ADAMTS12: variants seen among roughly 807,000 people sequenced by gnomAD.
The protein encoded by ADAMTS12 is ADAM metallopeptidase with thrombospondin type 1 motif 12, also known as A disintegrin and metalloproteinase with thrombospondin motifs 12.
In ADAMTS12, 118 loss-of-function variants were observed where a neutral mutation model predicts 167.8. That is an observed-to-expected ratio of 0.70 (90% CI 0.61 to 0.82). The LOEUF is 0.82. Among genes scored for constraint, ADAMTS12 ranks in the 40% least tolerant of loss-of-function variants. ADAMTS12 has a pLI of 0.00. For missense variants in ADAMTS12, 1,916 were observed against 1,998.8 expected (o/e 0.96, Z 0.79); for synonymous variants, 704 against 716.9 (o/e 0.98, Z 0.29).
chr5:33,761,355 C>T (rs1579913825), intron 2 of ADAMTS12, among the ~76,000 whole-genome samples: 1 of 152,354 alleles, frequency 6.6e-6, no homozygotes, highest in East Asian at 1.9e-4. Context: ...GGTGACCATC[C>T]TCCTTACTGT....
chr5:33,576,588 G>A lies in ADAMTS12; in HGVS notation c.3438C>T (p.Thr1146=). The stretch of plus-strand genomic sequence containing the variant: ...TCTCCATTTCTGGACCTTTGGTCAA[G>A]GTATTGTAAAATGGAGTCACAGGCC... The part of the protein sequence containing the change: ...ITWPVTPFYN[T]LTKGPEMEIH... The change falls in exon 19 of 24, where the codon ACC becomes ACT. Residue 1146 remains threonine, a synonymous_variant. Coordinates refer to ENST00000504830, the MANE Select transcript of ADAMTS12 (RefSeq NM_030955.4). The A allele has an allele frequency of 1.2e-6, 2 of 1,614,186 alleles. No individual in the cohort carries two copies. Among genetic ancestry groups the A allele is most frequent in the African/African-American group, 1.3e-5 (1 of 75,052 alleles).
intron 4 of ADAMTS12, among the ~76,000 whole-genome samples, chr5:33,683,591 G>A (rs12651808): frequency 0.13 from 19,451 of 152,068 alleles, 1,676 homozygotes; most frequent in South Asian, 0.43. Flanking sequence ...AAAGCCACAC[G>A]AAAAGGATTG....
At position 33,576,991 on chromosome 5, in the gene ADAMTS12, T is replaced by C. The variant is rs61748196; in HGVS notation, c.3035A>G (p.Asn1012Ser). 2,069 of 1,614,136 alleles carry C rather than the reference T, an allele frequency of 1.3e-3. 30 individuals carry two copies. The African/African-American group carries it at 0.024, about 19-fold the overall frequency. ...CTTTAGTGTTGGTGGGTTTTTTCCA[T>C]TGGAAATAGTGCCTTTGTTTGGTTT... ...VLKPNKGTIS[N>S]GKNPPTLKPV... is the part of the protein sequence containing the mutation. Residue 1012 changes from asparagine (N) to serine (S), a missense_variant, in exon 19 of 24, where the codon AAT (asparagine) becomes AGT (serine). Physicochemically the swap from Asn to Ser is conservative, Grantham distance 46. Transcript: ENST00000504830.
intron 1 of ADAMTS12, among the ~76,000 whole-genome samples, chr5:33,883,065 T>C (rs1045946775): frequency 6.6e-6 from 1 of 152,228 alleles, no homozygotes; most frequent in Non-Finnish European, 1.5e-5. Flanking sequence ...ATTCTCCTAG[T>C]GTCCCTGGCT....
chr5:33,591,568 C>T (rs1390616342), intron 17 of ADAMTS12, among the ~76,000 whole-genome samples: 2 of 152,178 alleles, frequency 1.3e-5, no homozygotes, highest in African/African-American at 2.4e-5. Flanking sequence ...TACCTCCTGG[C>T]TCTGTGTACC....
intron 2 of ADAMTS12, among the ~76,000 whole-genome samples, chr5:33,839,674 C>G (rs1006236594): frequency 6.6e-6 from 1 of 152,210 alleles, no homozygotes; most frequent in East Asian, 1.9e-4. Flanking sequence ...TGACTGTCCA[C>G]TTTAAAACTC....
At chr5:33,543,342 A>G (rs185058204) in intron 22 of ADAMTS12, among the ~76,000 whole-genome samples, 8 of 152,306 alleles carry the variant, frequency 5.3e-5, no homozygotes, top group Admixed American at 2.0e-4. Flanking sequence ...ATAGCCCAAT[A>G]ACAGACTCTG....
In ADAMTS12 at chr5:33,818,279, C is replaced by T. The variant is rs114779552; in HGVS notation, c.489+62840G>A. On this transcript the variant is annotated intron_variant, in intron 2 of 23. Coordinates refer to ENST00000504830, the MANE Select transcript of ADAMTS12 (RefSeq NM_030955.4). Reference sequence around the variant, plus strand: ...CCTACAGGTCCATATTTCCTCTCCCCCATCCCCCTGATGACCACTGTTTCA... The same window carrying T: ...CCTACAGGTCCATATTTCCTCTCCCTCATCCCCCTGATGACCACTGTTTCA... 6.6e-3 allele frequency among the ~76,000 whole-genome samples: 1,009 copies of T among 152,134 alleles called. 7 individuals are homozygous for T. Among genetic ancestry groups the T allele is most frequent in the African/African-American group, 0.023 (967 of 41,528 alleles).
chr5:33,737,440 T>C (rs1432048584), intron 3 of ADAMTS12, among the ~76,000 whole-genome samples: 2 of 152,078 alleles, frequency 1.3e-5, no homozygotes, highest in African/African-American at 2.4e-5. Context: ...AAACGGGGAG[T>C]TGTCTGATAG....
intron 2 of ADAMTS12, among the ~76,000 whole-genome samples, chr5:33,863,042 T>A (rs1377035288): frequency 2.6e-5 from 4 of 152,178 alleles, no homozygotes; most frequent in African/African-American, 9.7e-5. Flanking sequence ...GAAACGTATC[T>A]CAAAATAATA....
intron 19 of ADAMTS12, among the ~76,000 whole-genome samples, chr5:33,568,489 T>C (rs1322970611): frequency 6.6e-6 from 1 of 152,194 alleles, no homozygotes; most frequent in African/African-American, 2.4e-5. Flanking sequence ...ACCAGAGAGA[T>C]AGCAGATCAG....
At chr5:33,571,509 C>T (rs1297507589) in intron 19 of ADAMTS12, among the ~76,000 whole-genome samples, 8 of 152,126 alleles carry the variant, frequency 5.3e-5, no homozygotes, top group African/African-American at 1.2e-4. Flanking sequence ...GGGTACATAA[C>T]GAAATGAAGG....
chr5:33,567,533 A>AAT (rs1252074657), intron 19 of ADAMTS12, among the ~76,000 whole-genome samples: 1 of 152,158 alleles, frequency 6.6e-6, no homozygotes, highest in African/African-American at 2.4e-5. Context: ...GCCTCTCCCC[A>AAT]ATGTTCCCTC....
At chr5:33,756,019 T>C (rs1292138526) in intron 2 of ADAMTS12, among the ~76,000 whole-genome samples, 1 of 152,176 alleles carries the variant, frequency 6.6e-6, no homozygotes, top group Non-Finnish European at 1.5e-5. Flanking sequence ...AAAGTATCAA[T>C]CTATATCTAT....
chr5:33,867,829 T>C (rs1351368965), intron 2 of ADAMTS12, among the ~76,000 whole-genome samples: 9 of 152,198 alleles, frequency 5.9e-5, no homozygotes, highest in Admixed American at 4.6e-4. Context: ...TTTGATATGG[T>C]TTGGATTTGT....
intron 19 of ADAMTS12, among the ~76,000 whole-genome samples, chr5:33,568,748 C>G (rs1398861093): frequency 2.0e-5 from 3 of 152,230 alleles, no homozygotes; most frequent in African/African-American, 4.8e-5. Flanking sequence ...GGGCACAGGA[C>G]AGTGGGTGCA....
At chr5:33,586,650 A>C (rs2062720181) in intron 18 of ADAMTS12, among the ~76,000 whole-genome samples, 1 of 152,270 alleles carries the variant, frequency 6.6e-6, no homozygotes, top group Non-Finnish European at 1.5e-5. Context: ...GGCAATTAGT[A>C]AATTCTACAT....
Position 33,699,057 on chromosome 5 carries a change from TG to T in ADAMTS12, c.635-15003del, listed in dbSNP as rs1742892480. On this transcript the variant is annotated intron_variant, in intron 3 of 23. Transcript: ENST00000504830. ...CTGTAATCCCAGCTACTTGGGAGGCTGAGGCAGGAGAATTGCTTGAATCCAG... is the reference window on the plus strand; with the variant it reads ...CTGTAATCCCAGCTACTTGGGAGGCTAGGCAGGAGAATTGCTTGAATCCAG... 2.0e-5 allele frequency among the ~76,000 whole-genome samples: 3 copies of T among 152,306 alleles called. No homozygotes were observed. In the South Asian group the frequency reaches 6.2e-4, roughly 32 times the overall value.
intron 12 of ADAMTS12, among the ~76,000 whole-genome samples, chr5:33,632,359 C>T (rs1739983467): frequency 6.8e-6 from 1 of 146,748 alleles, no homozygotes; most frequent in African/African-American, 2.5e-5. Context: ...CGTGTAATAC[C>T]CAGGTAACAA....
Sources: allele counts gnomAD v4.1 joint callset (sites outside exome capture counted in the v4.1 genomes callset), GRCh38; gene constraint gnomAD v4.1.1; transcripts MANE v1.5; gene names NCBI Gene and HGNC (gene_info 2026-07-23, HGNC 2026-07-21).